DISP1: variants seen among roughly 807,000 people sequenced by gnomAD.
DISP1 encodes protein dispatched homolog 1.
In DISP1, 30 loss-of-function variants were observed where a neutral mutation model predicts 37.3. The ratio of observed to expected loss-of-function variants is 0.80; its 90% CI spans 0.60 to 1.09. DISP1 has a LOEUF of 1.09. Ranked by LOEUF, DISP1 falls within the 50% of genes least tolerant of loss-of-function variation. DISP1 has a pLI of 0.00. For missense variants in DISP1, 1,598 were observed against 1,879.5 expected (o/e 0.85, Z 2.77); for synonymous variants, 634 against 690.2 (o/e 0.92, Z 1.28).
chr1:222,938,059 A>G (rs1674101158), intron 2 of DISP1, among the ~76,000 whole-genome samples: 1 of 151,890 alleles, frequency 6.6e-6, no homozygotes, highest in South Asian at 2.1e-4. Context: ...TTGTTTTTAG[A>G]GACAAGGTCT....
intron 3 of DISP1, among the ~76,000 whole-genome samples, chr1:222,960,436 C>A (rs2102589125): frequency 6.6e-6 from 1 of 152,254 alleles, no homozygotes; most frequent in East Asian, 1.9e-4. Context: ...AACAAAGAGA[C>A]AACATGCTAG....
At chr1:222,907,621 A>G (rs954549930) in intron 1 of DISP1, among the ~76,000 whole-genome samples, 1 of 152,222 alleles carries the variant, frequency 6.6e-6, no homozygotes, top group East Asian at 1.9e-4. Context: ...AGAGATAATT[A>G]CTAAGATTAT....
chr1:222,924,134 A>G (rs957530047), intron 1 of DISP1, among the ~76,000 whole-genome samples: 1 of 152,178 alleles, frequency 6.6e-6, no homozygotes, highest in Non-Finnish European at 1.5e-5. Flanking sequence ...AGACAGATGT[A>G]CATATTTCCA....
intron 1 of DISP1, among the ~76,000 whole-genome samples, chr1:222,897,412 T>C (rs902232779): frequency 6.6e-6 from 1 of 152,202 alleles, no homozygotes; most frequent in Non-Finnish European, 1.5e-5. Flanking sequence ...TGGATGCATC[T>C]ATTCGTTGTC....
chr1:222,883,989 T>A (rs917290189), intron 1 of DISP1, among the ~76,000 whole-genome samples: 9 of 152,198 alleles, frequency 5.9e-5, no homozygotes, highest in Non-Finnish European at 1.0e-4. Flanking sequence ...TTCTTATTCA[T>A]CTTGGTAGCC....
chr1:222,888,319 T>A (rs575800439), intron 1 of DISP1, among the ~76,000 whole-genome samples: 1 of 152,294 alleles, frequency 6.6e-6, no homozygotes, highest in East Asian at 1.9e-4. Context: ...ACTTACTGCA[T>A]GCATGTGAAT....
At chr1:222,875,683 C>T (rs1008015198) in intron 1 of DISP1, among the ~76,000 whole-genome samples, 8 of 139,678 alleles carry the variant, frequency 5.7e-5, no homozygotes, top group South Asian at 2.2e-4. Flanking sequence ...AAAAATTAGC[C>T]ATATGTGGTG....
At chr1:222,932,616 C>T (rs530879850) in intron 2 of DISP1, among the ~76,000 whole-genome samples, 19 of 151,930 alleles carry the variant, frequency 1.3e-4, no homozygotes, top group Non-Finnish European at 2.4e-4. Context: ...ACTTAGGGTT[C>T]AAAAGAAATT....
At chr1:222,942,783 C>A in intron 2 of DISP1, 24 bp from the exon 3 acceptor site, 3 of 1,613,656 alleles carry the variant, frequency 1.9e-6, no homozygotes, top group South Asian at 2.2e-5. Flanking sequence ...TGTAACTGGG[C>A]GATTTTATGA....
intron 1 of DISP1, among the ~76,000 whole-genome samples, chr1:222,840,550 A>G (rs956745773): frequency 1.9e-4 from 27 of 139,202 alleles, no homozygotes; most frequent in Non-Finnish European, 3.1e-4. Context: ...CCATTAGTAC[A>G]GTATCTCTTT....
intron 4 of DISP1, among the ~76,000 whole-genome samples, chr1:222,989,061 C>G (rs956565371): frequency 6.6e-6 from 1 of 152,092 alleles, no homozygotes; most frequent in African/African-American, 2.4e-5. Flanking sequence ...TAATTTGAAG[C>G]AAATATCTCC....
Position 223,005,270 on chromosome 1 carries a change from G to A in DISP1, c.3873G>A (p.Gly1291=), listed in dbSNP as rs1264506285. The A allele has an allele frequency of 2.5e-6, 4 of 1,613,742 alleles. No individual in the cohort carries two copies. In the Admixed American group the frequency reaches 5.0e-5, roughly 20 times the overall value. The change falls in exon 9 of 9, where the codon GGG becomes GGA. Residue 1291 remains glycine, a synonymous_variant. Coordinates refer to ENST00000675850, the MANE Select transcript of DISP1 (RefSeq NM_001377229.1). ...NYGPHSCQQM[G]DCLCHQCSPT... The stretch of plus-strand genomic sequence containing the variant: ...GCCCACACTCTTGCCAGCAGATGGG[G>A]GACTGCTTGTGCCACCAGTGCTCTC...
chr1:222,871,862 T>A (rs948332877), intron 1 of DISP1, among the ~76,000 whole-genome samples: 1 of 152,368 alleles, frequency 6.6e-6, no homozygotes, highest in East Asian at 1.9e-4. Flanking sequence ...CCCTGTCTTG[T>A]GCCAGTTTTC....
intron 8 of DISP1, among the ~76,000 whole-genome samples, chr1:222,995,787 G>A (rs1679022109): frequency 6.6e-6 from 1 of 152,108 alleles, no homozygotes; most frequent in Non-Finnish European, 1.5e-5. Flanking sequence ...ACTCTAAAAT[G>A]TAAAATGACT....
chr1:222,846,743 A>G, intron 1 of DISP1, among the ~76,000 whole-genome samples: 1 of 152,264 alleles, frequency 6.6e-6, no homozygotes, highest in Non-Finnish European at 1.5e-5. Flanking sequence ...CTCCATTGTG[A>G]TGAATGGAGA....
At chr1:222,989,782 G>T (rs1678549814) in intron 4 of DISP1, among the ~76,000 whole-genome samples, 1 of 146,216 alleles carries the variant, frequency 6.8e-6, no homozygotes, top group African/African-American at 2.5e-5. Flanking sequence ...GAAAGTTACA[G>T]GTTTATGGGA....
intron 6 of DISP1, 131 bp from the exon 7 acceptor site, chr1:222,991,882 C>A: frequency 1.2e-6 from 1 of 857,542 alleles, no homozygotes; most frequent in Non-Finnish European, 1.9e-6. Context: ...TTGGTTGCTT[C>A]TTCTAATCCT....
At chr1:222,851,266 A>G (rs1668216786) in intron 1 of DISP1, among the ~76,000 whole-genome samples, 1 of 151,932 alleles carries the variant, frequency 6.6e-6, no homozygotes, top group Non-Finnish European at 1.5e-5. Context: ...GAGTTTTGCC[A>G]TGTTGGCCAG....
intron 7 of DISP1, among the ~76,000 whole-genome samples, chr1:222,993,155 C>T (rs536919626): frequency 2.0e-4 from 31 of 152,036 alleles, no homozygotes; most frequent in Non-Finnish European, 4.1e-4. Context: ...CATGAGCCAC[C>T]GCACCTGGCC....
Sources: allele counts gnomAD v4.1 joint callset (sites outside exome capture counted in the v4.1 genomes callset), GRCh38; gene constraint gnomAD v4.1.1; transcripts MANE v1.5; gene names NCBI Gene and HGNC (gene_info 2026-07-23, HGNC 2026-07-21).